CAMTA1: variants seen among roughly 807,000 people sequenced by gnomAD.
CAMTA1 encodes calmodulin-binding transcription activator 1.
Under a neutral mutation model 170.9 loss-of-function variants are expected in CAMTA1, and 27 were observed. That is an observed-to-expected ratio of 0.16 (90% CI 0.12 to 0.22). The LOEUF (loss-of-function observed/expected upper bound fraction) is 0.22. Ranked by LOEUF, CAMTA1 falls within the 10% of genes least tolerant of loss-of-function variation. The pLI is 1.00. For synonymous variants in CAMTA1, 833 were observed against 891.5 expected (o/e 0.93, Z 1.17); for missense variants, 1,619 against 2,217.2 (o/e 0.73, Z 5.42).
chr1:7,305,758 T>C (rs1489456449), intron 5 of CAMTA1, among the ~76,000 whole-genome samples: 1 of 152,090 alleles, frequency 6.6e-6, no homozygotes, highest in East Asian at 1.9e-4. Flanking sequence ...GTGGAATGGT[T>C]GCGTTAGATA....
rs571435770 is a variant in CAMTA1, at chr1:7,680,870, G to GCAA, written c.2914+3139_2914+3140insACA. Among the ~76,000 whole-genome samples, 27,080 of 147,702 alleles carry GCAA rather than the reference G, an allele frequency of 0.18. 2,701 individuals carry two copies. The highest frequency in any genetic ancestry group is 0.28 in the South Asian group (1,303 of 4,618). Reference sequence around the variant, plus strand: ...CGCGCGCGCGCGCGCGCCAGCAGCAGCAGCAGCAGCAGCTGCTGCGGCGAA... The same window carrying GCAA: ...CGCGCGCGCGCGCGCGCCAGCAGCAGCAACAGCAGCAGCAGCTGCTGCGGCGAA... On this transcript the variant is annotated intron_variant, in intron 11 of 22. Coordinates refer to ENST00000303635, the MANE Select transcript of CAMTA1 (RefSeq NM_015215.4). The surrounding 1 kb of genome is among the most constrained non-coding windows in gnomAD (Gnocchi z 4.4).
intron 3 of CAMTA1, among the ~76,000 whole-genome samples, chr1:6,940,716 G>A (rs1319123989): frequency 6.6e-6 from 1 of 152,078 alleles, no homozygotes; most frequent in East Asian, 1.9e-4. Context: ...AGAAACGAGG[G>A]CCTCAGTGTG....
In CAMTA1 at chr1:7,441,706, C is replaced by T. The variant is rs371294213; in HGVS notation, c.439-26124C>T. On this transcript the variant is annotated intron_variant, in intron 5 of 22. Transcript: ENST00000303635. ...TTGGCTAACAACTCGAGCCAAGGCC[C>T]AGAGGTGGGGATGAGTTTGCTGCCA... Among the ~76,000 whole-genome samples, 59 of 152,254 alleles carry T rather than the reference C, an allele frequency of 3.9e-4. 2 individuals carry two copies. The highest frequency in any genetic ancestry group is 1.3e-3 in the African/African-American group (52 of 41,552).
At chr1:7,171,453 C>G (rs1649577881) in intron 4 of CAMTA1, among the ~76,000 whole-genome samples, 1 of 152,104 alleles carries the variant, frequency 6.6e-6, no homozygotes, top group Non-Finnish European at 1.5e-5. Context: ...TATTTGTTTC[C>G]ACTTCTGCCT....
Position 7,382,713 on chromosome 1 carries a change from G to A in CAMTA1, c.439-85117G>A, listed in dbSNP as rs201574962. On this transcript the variant is annotated intron_variant, in intron 5 of 22. Transcript: ENST00000303635. ...GCGCTCTTTCATTTCTCCATACATT[G>A]ATGAGCCCTCCTGCAGGCAAAAGAA... The A allele has an allele frequency of 6.6e-5, 10 of 152,262 alleles. No homozygotes were observed. The East Asian group carries it at 1.9e-3, about 29-fold the overall frequency. 9.4% of individuals were successfully genotyped at this position (152,262 alleles called of 1,614,324 possible).
chr1:7,167,340 G>C (rs1339303227), intron 4 of CAMTA1, among the ~76,000 whole-genome samples: 1 of 152,118 alleles, frequency 6.6e-6, no homozygotes, highest in African/African-American at 2.4e-5. Context: ...TTTCCCCAGT[G>C]ATGTGCATAT....
chr1:7,678,950 C>A (rs1441434528), intron 11 of CAMTA1, among the ~76,000 whole-genome samples: 1 of 152,246 alleles, frequency 6.6e-6, no homozygotes, highest in Non-Finnish European at 1.5e-5. Context: ...TCAGCCTTAT[C>A]CCAGTCCCTG....
At chr1:7,004,366 T>C (rs1698671930) in intron 3 of CAMTA1, among the ~76,000 whole-genome samples, 1 of 152,094 alleles carries the variant, frequency 6.6e-6, no homozygotes, top group South Asian at 2.1e-4. Context: ...TGAAAGTGGG[T>C]TATGAAGAGG....
At position 7,536,728 on chromosome 1, in the gene CAMTA1, C is replaced by A. The variant is rs564151048; in HGVS notation, c.510+68827C>A. 2.0e-5 allele frequency among the ~76,000 whole-genome samples: 3 copies of A among 152,160 alleles called. No individual in the cohort carries two copies. The East Asian group carries it at 5.8e-4, about 29-fold the overall frequency. On this transcript the variant is annotated intron_variant, in intron 6 of 22. Transcript: ENST00000303635. ...CGCAGGGCTTTCTGCACGGCAGGCG[C>A]GACGCTCATTTAAATAGCAGATCCG...
chr1:7,257,083 G>GA (rs933865547), intron 5 of CAMTA1, among the ~76,000 whole-genome samples: 8 of 140,570 alleles, frequency 5.7e-5, no homozygotes, highest in African/African-American at 2.5e-4. Context: ...TGGCGGGGGC[G>GA]GGGGTTGGTT....
Position 7,092,049 on chromosome 1 carries a change from A to G in CAMTA1, c.302+678A>G, listed in dbSNP as rs1236099995. On this transcript the variant is annotated intron_variant, in intron 4 of 22. Transcript: ENST00000303635. This position sits in a 1 kb window ranked among gnomAD's most constrained non-coding sequence, Gnocchi z 5.0. ...TGGTCCTCCCCAACTCTAGGTTTTT[A>G]TTTTTGGAATGTTACAATCTAGAGC... 1.3e-5 allele frequency among the ~76,000 whole-genome samples: 2 copies of G among 152,124 alleles called. No homozygotes were observed. Among genetic ancestry groups the G allele is most frequent in the Non-Finnish European group, 2.9e-5 (2 of 68,026 alleles).
At chr1:6,837,584 C>T (rs1239072846) in intron 3 of CAMTA1, among the ~76,000 whole-genome samples, 5 of 152,160 alleles carry the variant, frequency 3.3e-5, no homozygotes, top group East Asian at 1.9e-4. Flanking sequence ...ATAAAATTAA[C>T]GTCTGAGTAT....
chr1:6,963,911 TG>T (rs1408689584), intron 3 of CAMTA1, among the ~76,000 whole-genome samples: 1 of 152,240 alleles, frequency 6.6e-6, no homozygotes, highest in East Asian at 1.9e-4. Context: ...CACTGGGTCC[TG>T]CTAAAGGCTG....
intron 2 of CAMTA1, among the ~76,000 whole-genome samples, chr1:6,822,871 G>A (rs1227936437): frequency 6.6e-6 from 1 of 151,840 alleles, no homozygotes; most frequent in Non-Finnish European, 1.5e-5. Flanking sequence ...CAGTAGCTGG[G>A]TTCCTCGAAG....
Position 7,129,980 on chromosome 1 carries a change from A to G in CAMTA1, c.302+38609A>G, listed in dbSNP as rs1347891459. 2.0e-5 allele frequency among the ~76,000 whole-genome samples: 3 copies of G among 151,434 alleles called. No individual in the cohort carries two copies. The East Asian group carries it at 5.8e-4, about 29-fold the overall frequency. On this transcript the variant is annotated intron_variant, in intron 4 of 22. Coordinates refer to ENST00000303635, the MANE Select transcript of CAMTA1 (RefSeq NM_015215.4). The stretch of plus-strand genomic sequence containing the variant: ...GAGATGGAGTTTTACTCTGTCACCC[A>G]GGCTGGAGTGCAATGGTGCGATCTT...
chr1:6,932,108 C>T (rs979426927), intron 3 of CAMTA1, among the ~76,000 whole-genome samples: 1 of 152,140 alleles, frequency 6.6e-6, no homozygotes, highest in Non-Finnish European at 1.5e-5. Flanking sequence ...GCATCACCAT[C>T]GCCAAATCAA....
intron 3 of CAMTA1, chr1:6,871,805 C>T (rs1436579776): frequency 1.3e-6 from 2 of 1,531,776 alleles, no homozygotes; most frequent in East Asian, 2.5e-5. Flanking sequence ...TAATGTGTGA[C>T]CCTTCACCTT....
chr1:7,104,273 G>T (rs1260577788), intron 4 of CAMTA1, among the ~76,000 whole-genome samples: 1 of 63,142 alleles, frequency 1.6e-5, no homozygotes, highest in African/African-American at 5.1e-5. Flanking sequence ...CTACATACAT[G>T]CACACAAAAC....
intron 11 of CAMTA1, among the ~76,000 whole-genome samples, chr1:7,704,266 G>A (rs917785582): frequency 1.4e-5 from 2 of 146,206 alleles, no homozygotes; most frequent in Non-Finnish European, 3.0e-5. Flanking sequence ...GAGCCAGGCA[G>A]GGCGGGCGCG....
Sources: gnomAD v4.1 joint callset for allele counts (sites outside exome capture counted in the v4.1 genomes callset) on GRCh38, gnomAD v4.1.1 for gene constraint, Gnocchi (gnomAD v3.1) non-coding constraint, MANE v1.5 for transcripts, NCBI Gene and HGNC (gene_info 2026-07-23, HGNC 2026-07-21) for gene names.